PHF12: variants seen among roughly 807,000 people sequenced by gnomAD.
PHF12 encodes PHD finger protein 12, also known as PHD factor 1.
A neutral mutation model predicts 99.8 loss-of-function variants in PHF12; 6 were observed. The ratio of observed to expected loss-of-function variants is 0.06; its 90% confidence interval spans 0.03 to 0.12. The LOEUF (loss-of-function observed/expected upper bound fraction) is 0.12. Ranked by LOEUF, PHF12 falls within the 10% of genes least tolerant of loss-of-function variation. The pLI, the probability that PHF12 is intolerant of heterozygous loss-of-function variation, is 1.00. For missense variants in PHF12, 954 were observed against 1,300.1 expected (o/e 0.73, Z 4.09); for synonymous variants, 480 against 514.9 (o/e 0.93, Z 0.92).
intron 2 of PHF12, among the ~76,000 whole-genome samples, chr17:28,930,461 T>C (rs1333227558): frequency 6.6e-6 from 1 of 152,080 alleles, no homozygotes; most frequent in Admixed American, 6.6e-5. Context: ...AGGAAGTGAG[T>C]GTAATCCTTC....
intron 7 of PHF12, among the ~76,000 whole-genome samples, chr17:28,916,911 C>G (rs1004967468): frequency 2.0e-5 from 3 of 152,222 alleles, no homozygotes; most frequent in African/African-American, 7.2e-5. Context: ...ATGGCTCTTT[C>G]TGCTTAATCA....
In PHF12 at chr17:28,917,333, G is replaced by T. The variant is rs139106443; in HGVS notation, c.1086C>A (p.His362Gln). 5.0e-6 allele frequency: 8 copies of T among 1,613,980 alleles called. No homozygotes were observed. Among genetic ancestry groups the T allele is most frequent in the African/African-American group, 1.3e-5 (1 of 74,896 alleles). Residue 362 changes from histidine to glutamine, a missense_variant, in exon 7 of 15, where the codon CAC becomes CAA. His to Gln is a conservative substitution (Grantham distance 24). Transcript: ENST00000332830. ...VDFLNRIHKK[H>Q]PPNRRVLQSV... is the part of the protein sequence containing the mutation. ...ACTGGAGCACACGCCGGTTAGGGGG[G>T]TGCTTCTTGTGGATTCGGTTCAGGA...
intron 3 of PHF12, chr17:28,926,678 CTTTG>C: frequency 1.1e-6 from 1 of 895,156 alleles, no homozygotes; most frequent in Non-Finnish European, 1.6e-6. Flanking sequence ...GAGAAGCAGC[CTTTG>C]TTTTTCAGCC....
At chr17:28,910,511 G>A (rs747599347) in intron 10 of PHF12, 142 bp from the exon 11 acceptor site, 15 of 1,039,764 alleles carry the variant, frequency 1.4e-5, no homozygotes, top group African/African-American at 3.2e-5. Flanking sequence ...AGTGCAGAGC[G>A]TACAAGGATC....
intron 2 of PHF12, among the ~76,000 whole-genome samples, chr17:28,933,521 C>A (rs953270369): frequency 6.6e-6 from 1 of 152,154 alleles, no homozygotes; most frequent in African/African-American, 2.4e-5. Context: ...GTTTTTGGTT[C>A]ACTCTCAGGA....
At chr17:28,926,729 G>GT in intron 3 of PHF12, 1 of 1,371,454 alleles carries the variant, frequency 7.3e-7, no homozygotes, top group Non-Finnish European at 9.8e-7. Context: ...CAACAAGAAG[G>GT]TAAGACTACT....
At chr17:28,915,150 TG>T (rs2040040030) in intron 7 of PHF12, among the ~76,000 whole-genome samples, 1 of 152,158 alleles carries the variant, frequency 6.6e-6, no homozygotes, top group Non-Finnish European at 1.5e-5. Context: ...GGTTGACACT[TG>T]GAAGTTGAGA....
At chr17:28,920,723 C>T (rs1262056658) in intron 5 of PHF12, among the ~76,000 whole-genome samples, 1 of 151,828 alleles carries the variant, frequency 6.6e-6, no homozygotes, top group Non-Finnish European at 1.5e-5. Flanking sequence ...CCACCACACC[C>T]AGCTAATTTT....
At chr17:28,948,486 A>G (rs1387818332) in intron 2 of PHF12, among the ~76,000 whole-genome samples, 2 of 152,238 alleles carry the variant, frequency 1.3e-5, no homozygotes, top group Non-Finnish European at 2.9e-5. Context: ...CAGCAGCAAA[A>G]CTTCCTCTAC....
chr17:28,914,401 G>A (rs895224399), intron 7 of PHF12, among the ~76,000 whole-genome samples: 4 of 152,086 alleles, frequency 2.6e-5, no homozygotes, highest in Admixed American at 6.5e-5. Flanking sequence ...GGCCAGGCGC[G>A]GTGGCTCACG....
chr17:28,945,411 G>A (rs1405913756), intron 2 of PHF12: 3 of 152,094 alleles, frequency 2.0e-5, no homozygotes, highest in Non-Finnish European at 4.4e-5. Flanking sequence ...ACCTCATTTT[G>A]GATCTCGCTG....
At chr17:28,946,249 G>C (rs532934984) in intron 2 of PHF12, among the ~76,000 whole-genome samples, 8 of 152,308 alleles carry the variant, frequency 5.3e-5, no homozygotes, top group African/African-American at 1.9e-4. Flanking sequence ...TGGATAAAAT[G>C]ATTACACTAT....
At chr17:28,907,250 T>C in intron 13 of PHF12, 1 of 531,226 alleles carries the variant, frequency 1.9e-6, no homozygotes, top group South Asian at 2.5e-5. Context: ...GGTATGATAC[T>C]CACTGGCCCG....
Position 28,951,377 on chromosome 17 carries a change from G to A in PHF12, c.-417C>T, listed in dbSNP as rs1320059495. 3 of 983,794 alleles carry A rather than the reference G, an allele frequency of 3.0e-6. No individual in the cohort carries two copies. In the African/African-American group the frequency reaches 5.2e-5, roughly 17 times the overall value. 60.9% of individuals were successfully genotyped at this position (983,794 alleles called of 1,614,324 possible). A position where few individuals can be genotyped will look rare whatever the true frequency, so the allele number is the denominator to read the frequency against. On this transcript the variant is annotated 5_prime_UTR_variant, in exon 1 of 15. Transcript: ENST00000332830. ...GGTTGTGGTACGTGAGGTGACTGGG[G>A]GGAGGGTGATGGGGGGTGGTCCCCG...
At chr17:28,935,021 C>T (rs1005266998) in intron 2 of PHF12, among the ~76,000 whole-genome samples, 3 of 152,242 alleles carry the variant, frequency 2.0e-5, no homozygotes, top group Non-Finnish European at 4.4e-5. Context: ...TTTTAGCCAA[C>T]AAGCCAAGGA....
chr17:28,924,664 C>T (rs2040234400), intron 3 of PHF12: 3 of 331,508 alleles, frequency 9.0e-6, no homozygotes, highest in Non-Finnish European at 1.7e-5. Flanking sequence ...TAGTAAAAAT[C>T]AATGGGGCAG....
intron 2 of PHF12, among the ~76,000 whole-genome samples, chr17:28,927,358 A>G (rs554199019): frequency 6.6e-6 from 1 of 152,314 alleles, no homozygotes; most frequent in East Asian, 1.9e-4. Context: ...AAAGCCTGTT[A>G]GTGTAGAGCC....
intron 2 of PHF12, chr17:28,944,514 T>C: frequency 1.0e-6 from 1 of 984,234 alleles, no homozygotes; most frequent in Non-Finnish European, 1.2e-6. Context: ...GTATCTTCCA[T>C]ATTTAGGTGG....
intron 8 of PHF12, among the ~76,000 whole-genome samples, 200 bp downstream of exon 8, chr17:28,913,679 A>G (rs2040009669): frequency 6.6e-6 from 1 of 152,212 alleles, no homozygotes; most frequent in South Asian, 2.1e-4. Context: ...GGAGAGAAGC[A>G]GACCAGTTGC....
Sources: allele counts gnomAD v4.1 joint callset (sites outside exome capture counted in the v4.1 genomes callset), GRCh38; gene constraint gnomAD v4.1.1; transcripts MANE v1.5; gene names NCBI Gene and HGNC (gene_info 2026-07-23, HGNC 2026-07-21).